Variants in CELF2 observed in about 807,000 individuals in gnomAD.
The protein encoded by CELF2 is CUGBP Elav-like family member 2.
A neutral mutation model predicts 62.6 loss-of-function variants in CELF2; 8 were observed. The observed-to-expected ratio is 0.13, with a 90% CI of 0.07 to 0.23. CELF2 has a LOEUF of 0.23. CELF2 is among the 10% of genes least tolerant of loss of function. The pLI is 1.00. For missense variants in CELF2, 333 were observed against 671.0 expected (o/e 0.50, Z 5.56); for synonymous variants, 258 against 250.0 (o/e 1.03, Z -0.30).
At chr10:10,842,894 A>T (rs934943613) in intron 1 of CELF2, among the ~76,000 whole-genome samples, 17 of 152,034 alleles carry the variant, frequency 1.1e-4, no homozygotes, top group African/African-American at 4.1e-4. Flanking sequence ...TTGTTGGTGG[A>T]TTCACCAGCG....
At chr10:10,597,642 T>G in the CELF2 span, among the ~76,000 whole-genome samples, 1 of 152,180 alleles carries the variant, frequency 6.6e-6, no homozygotes. Context: ...CTGTAAAAAA[T>G]CCTTATAGTT....
chr10:10,891,087 GT>G (rs1015342285), intron 1 of CELF2, among the ~76,000 whole-genome samples: 1 of 152,106 alleles, frequency 6.6e-6, no homozygotes, highest in Non-Finnish European at 1.5e-5. Context: ...ATTCAGTGGA[GT>G]TTTTTTCATA....
chr10:10,907,951 A>G (rs1338400279), intron 1 of CELF2, among the ~76,000 whole-genome samples: 1 of 152,192 alleles, frequency 6.6e-6, no homozygotes, highest in Non-Finnish European at 1.5e-5. Flanking sequence ...TTCTGCAGAA[A>G]GCTCTCGGAG....
At chr10:10,668,473 G>A in the CELF2 span, among the ~76,000 whole-genome samples, 2,441 of 152,260 alleles carry the variant, frequency 0.016, 60 homozygotes, top group African/African-American at 0.056. Flanking sequence ...TCCATGGTAC[G>A]AATTTCTGAT....
At chr10:10,717,475 T>A in the CELF2 span, among the ~76,000 whole-genome samples, 1 of 152,164 alleles carries the variant, frequency 6.6e-6, no homozygotes, top group Non-Finnish European at 1.5e-5. Flanking sequence ...CTTTTATTCA[T>A]GAAAGAAAAT....
chr10:11,276,084 ACTC>A (rs1272538142), intron 8 of CELF2, among the ~76,000 whole-genome samples: 2 of 150,526 alleles, frequency 1.3e-5, no homozygotes, highest in African/African-American at 2.5e-5. Flanking sequence ...CATCATGAAA[ACTC>A]CTTTTTTTCT....
intron 1 of CELF2, among the ~76,000 whole-genome samples, chr10:10,895,336 C>T (rs1243986860): frequency 2.6e-5 from 4 of 152,102 alleles, no homozygotes; most frequent in Admixed American, 1.3e-4. Context: ...AGCTTAATTG[C>T]ATTATAGGGT....
In CELF2 at chr10:11,306,050, G is replaced by A. The variant is rs1013339387; in HGVS notation, c.977-8089G>A. On this transcript the variant is annotated intron_variant, in intron 9 of 12. Transcript: ENST00000633077. The surrounding 1 kb of genome is among the most constrained non-coding windows in gnomAD (Gnocchi z 4.4). ...ACGCCAGCTGGCCTGAACGTCCGTC[G>A]CCTGATTGATAGGTTTTAACCAGTG... Among the ~76,000 whole-genome samples the A allele has an allele frequency of 1.1e-4, 16 of 152,154 alleles. No homozygotes were observed. Among genetic ancestry groups the A allele is most frequent in the African/African-American group, 3.1e-4 (13 of 41,432 alleles).
chr10:10,570,367 C>T, the CELF2 span, among the ~76,000 whole-genome samples: 1 of 152,134 alleles, frequency 6.6e-6, no homozygotes, highest in African/African-American at 2.4e-5. Context: ...AACCTCAGCT[C>T]AAGATGAACT....
At chr10:10,628,311 A>G in the CELF2 span, among the ~76,000 whole-genome samples, 1 of 152,186 alleles carries the variant, frequency 6.6e-6, no homozygotes, top group African/African-American at 2.4e-5. Flanking sequence ...TTTTATTATC[A>G]TACAAACTAA....
chr10:10,730,967 G>T, the CELF2 span, among the ~76,000 whole-genome samples: 7 of 152,200 alleles, frequency 4.6e-5, no homozygotes, highest in African/African-American at 1.7e-4. Flanking sequence ...TGAAGTCCCT[G>T]ATATTGTCCT....
chr10:11,301,847 A>G (rs1238850254), intron 9 of CELF2, among the ~76,000 whole-genome samples: 5 of 151,932 alleles, frequency 3.3e-5, no homozygotes, highest in African/African-American at 1.2e-4. Flanking sequence ...TGTCGTGAGG[A>G]GCCCCAGTTA....
chr10:10,812,079 A>G (rs754606870), intron 1 of CELF2, among the ~76,000 whole-genome samples: 39 of 152,020 alleles, frequency 2.6e-4, no homozygotes, highest in Non-Finnish European at 4.3e-4. Flanking sequence ...TTTCCCACCT[A>G]TATTAGTCCA....
the CELF2 span, among the ~76,000 whole-genome samples, chr10:10,656,305 C>T: frequency 4.2e-4 from 63 of 150,164 alleles, 1 homozygote; most frequent in African/African-American, 1.5e-3. Flanking sequence ...TTGTGGAAGT[C>T]AGTGTGGCGA....
At chr10:10,491,894 T>C in the CELF2 span, among the ~76,000 whole-genome samples, 1 of 152,180 alleles carries the variant, frequency 6.6e-6, no homozygotes, top group African/African-American at 2.4e-5. Context: ...TTCATAAACA[T>C]GATCTTTTCT....
At chr10:10,798,242 G>C (rs1265760406), upstream of CELF2, among the ~76,000 whole-genome samples, 1 of 152,164 alleles carries the variant, frequency 6.6e-6, no homozygotes, top group Non-Finnish European at 1.5e-5. Flanking sequence ...CAGTGTCAGA[G>C]TCCCAGAGCC....
upstream of CELF2, among the ~76,000 whole-genome samples, chr10:11,001,862 T>C (rs2054549118): frequency 6.6e-6 from 1 of 152,138 alleles, no homozygotes; most frequent in Non-Finnish European, 1.5e-5. Context: ...CTACTGCAGA[T>C]GATCCCAAAA....
chr10:11,032,386 GGT>G (rs1448491446), intron 1 of CELF2, among the ~76,000 whole-genome samples: 4 of 152,084 alleles, frequency 2.6e-5, no homozygotes, highest in Non-Finnish European at 5.9e-5. Context: ...AGGAAGCTGA[GGT>G]GGGGGAATCG....
chr10:11,128,356 C>T (rs2059064141), intron 1 of CELF2, among the ~76,000 whole-genome samples: 5 of 152,166 alleles, frequency 3.3e-5, no homozygotes, highest in Non-Finnish European at 7.3e-5. Flanking sequence ...ATTGTCTTGG[C>T]AATGTGGGCT....
Sources: allele counts gnomAD v4.1 joint callset (sites outside exome capture counted in the v4.1 genomes callset), GRCh38; gene constraint gnomAD v4.1.1; non-coding constraint Gnocchi (gnomAD v3.1); transcripts MANE v1.5; gene names NCBI Gene and HGNC (gene_info 2026-07-23, HGNC 2026-07-21).